The following NEBL variants were observed in gnomAD, a reference collection of about 807,000 sequenced individuals.
NEBL encodes nebulette.
In NEBL, 122 loss-of-function variants were observed where a neutral mutation model predicts 140.2. The ratio of observed to expected loss-of-function variants is 0.87; its 90% CI spans 0.75 to 1.01. The LOEUF is 1.01. NEBL is among the 50% of genes least tolerant of loss of function. NEBL has a pLI of 0.00. For missense variants in NEBL, 1,365 were observed against 1,231.3 expected (o/e 1.11, Z -1.62); for synonymous variants, 436 against 398.9 (o/e 1.09, Z -1.11).
intron 4 of NEBL, among the ~76,000 whole-genome samples, chr10:20,887,514 G>C (rs1846638062): frequency 6.8e-6 from 1 of 146,930 alleles, no homozygotes; most frequent in South Asian, 2.1e-4. Context: ...AACTTCCCAG[G>C]CTCAAGCAAT....
At chr10:21,257,510 A>G (rs923044852) in intron 1 of NEBL, among the ~76,000 whole-genome samples, 1 of 152,182 alleles carries the variant, frequency 6.6e-6, no homozygotes, top group African/African-American at 2.4e-5. Context: ...CCTCACCTCC[A>G]TTGCTGTAGG....
At position 21,089,051 on chromosome 10, in the gene NEBL, G is replaced by T. The variant is rs369168091; in HGVS notation, c.165-68850C>A. Among the ~76,000 whole-genome samples, 283 of 152,238 alleles carry T rather than the reference G, an allele frequency of 1.9e-3. 1 individual carries two copies. Among genetic ancestry groups the T allele is most frequent in the African/African-American group, 6.5e-3 (269 of 41,574 alleles). The stretch of plus-strand genomic sequence containing the variant: ...TGAGGAGAGATGGTGCAGTGACAGA[G>T]GAGACAGAAAAAGGGAGGCAGAACA... On this transcript the variant is annotated intron_variant, in intron 2 of 6. Coordinates refer to the NEBL transcript ENST00000417816.
intron 3 of NEBL, among the ~76,000 whole-genome samples, chr10:21,210,903 C>T (rs1841904914): frequency 1.3e-5 from 2 of 152,196 alleles, no homozygotes; most frequent in African/African-American, 4.8e-5. Flanking sequence ...TTTACATTTA[C>T]AGCTATCCTA....
intron 1 of NEBL, among the ~76,000 whole-genome samples, chr10:21,271,462 G>A (rs1186102360): frequency 2.0e-5 from 3 of 151,984 alleles, no homozygotes; most frequent in South Asian, 2.1e-4. Flanking sequence ...CATGTACAAC[G>A]TGGTAGCTAT....
At chr10:20,992,469 G>T (rs539004462) in intron 3 of NEBL, among the ~76,000 whole-genome samples, 2 of 152,262 alleles carry the variant, frequency 1.3e-5, no homozygotes, top group Non-Finnish European at 2.9e-5. Context: ...TTTGAGTGAC[G>T]ACAGAGGCTC....
At chr10:20,869,533 C>A (rs1588885693) in intron 6 of NEBL, among the ~76,000 whole-genome samples, 1 of 152,074 alleles carries the variant, frequency 6.6e-6, no homozygotes, top group South Asian at 2.1e-4. Flanking sequence ...TGACACTAAC[C>A]ACAGCCAATT....
chr10:20,967,459 C>T (rs1447796070), intron 3 of NEBL, among the ~76,000 whole-genome samples: 3 of 152,182 alleles, frequency 2.0e-5, no homozygotes, highest in Non-Finnish European at 1.5e-5. Context: ...CAAACCCTAG[C>T]TGTACTCAAA....
intron 12 of NEBL, among the ~76,000 whole-genome samples, chr10:20,843,902 G>C (rs74120698): frequency 2.0e-5 from 3 of 151,920 alleles, no homozygotes; most frequent in African/African-American, 7.3e-5. Context: ...TTCACCTTAC[G>C]GTGCTGCAGA....
intron 2 of NEBL, among the ~76,000 whole-genome samples, chr10:21,044,737 G>A (rs371598499): frequency 2.0e-4 from 31 of 152,200 alleles, no homozygotes; most frequent in Non-Finnish European, 3.4e-4. Context: ...CCCCTGCTCC[G>A]TAAGCTCTTC....
At chr10:21,107,089 C>T (rs565298323) in intron 2 of NEBL, among the ~76,000 whole-genome samples, 7 of 152,222 alleles carry the variant, frequency 4.6e-5, no homozygotes, top group South Asian at 2.1e-4. Flanking sequence ...TGGGCTGAGA[C>T]GATGGGTTTT....
Position 20,845,329 on chromosome 10 carries a change from T to A in NEBL, c.1156A>T (p.Arg386Trp). ...KEDFEKEIKGRSSLDLDKTPE... is the reference protein window; with the variant it reads ...KEDFEKEIKGWSSLDLDKTPE... ...GTCTTGTCTAAATCCAGTGATGACC[T>A]TCCTTTAATCTCCTTCTCAAAATCC... Residue 386 changes from arginine (R) to tryptophan (W), a missense_variant, in exon 12 of 28, where the codon AGG becomes TGG. Arg to Trp is a moderately radical substitution (Grantham distance 101). Coordinates refer to ENST00000377122, the MANE Select transcript of NEBL (RefSeq NM_006393.3). The A allele has an allele frequency of 6.2e-7, 1 of 1,605,410 alleles. No individual in the cohort carries two copies. The highest frequency in any genetic ancestry group is 8.5e-7 in the Non-Finnish European group (1 of 1,172,510).
At position 21,197,671 on chromosome 10, in the gene NEBL, A is replaced by T. The variant is rs565154502; in HGVS notation, n.349-25194T>A. 3.9e-5 allele frequency among the ~76,000 whole-genome samples: 6 copies of T among 152,304 alleles called. No individual in the cohort carries two copies. The South Asian group carries it at 1.2e-3, about 32-fold the overall frequency. ...ATAACTCTTTGGGGACCATTCTCCT[A>T]GAAACACATAGACCCTAGATTATGG... On this transcript the variant is annotated intron_variant and non_coding_transcript_variant, in intron 3 of 8. Transcript: ENST00000675702.
intron 2 of NEBL, among the ~76,000 whole-genome samples, chr10:21,167,695 T>C (rs1840841438): frequency 6.6e-6 from 1 of 152,270 alleles, no homozygotes; most frequent in Non-Finnish European, 1.5e-5. Context: ...TCTTAGGGTT[T>C]ATACTCATTG....
chr10:21,106,681 T>C (rs1057152902), intron 2 of NEBL, among the ~76,000 whole-genome samples: 2 of 152,164 alleles, frequency 1.3e-5, no homozygotes, highest in Non-Finnish European at 2.9e-5. Context: ...TCTTTTTTGG[T>C]TCCATATGAA....
intron 26 of NEBL, among the ~76,000 whole-genome samples, chr10:20,790,579 C>T (rs554009546): frequency 5.4e-5 from 8 of 147,534 alleles, no homozygotes; most frequent in South Asian, 2.1e-4. Flanking sequence ...CCAGCCTGGG[C>T]GACAGAGTGA....
intron 3 of NEBL, among the ~76,000 whole-genome samples, chr10:21,227,668 C>CTTT (rs1485158295): frequency 1.2e-5 from 1 of 85,390 alleles, no homozygotes; most frequent in Non-Finnish European, 2.3e-5. Flanking sequence ...TCTTCTTCTT[C>CTTT]TTCTTCTTCT....
At chr10:21,262,259 G>A (rs1020085307) in intron 1 of NEBL, among the ~76,000 whole-genome samples, 1 of 152,144 alleles carries the variant, frequency 6.6e-6, no homozygotes, top group Admixed American at 6.5e-5. Flanking sequence ...GAGGAGGATC[G>A]CTGTGTCTCT....
chr10:21,184,449 C>A (rs995329603), intron 3 of NEBL, among the ~76,000 whole-genome samples: 1 of 152,100 alleles, frequency 6.6e-6, no homozygotes, highest in Non-Finnish European at 1.5e-5. Context: ...CAAAAGTGCA[C>A]GGTACACAAT....
At position 20,826,623 on chromosome 10, in the gene NEBL, G is replaced by T. The variant is rs74326867; in HGVS notation, c.1777-84C>A. ...CGCTTCTTAGAAAGACAATTTCTCA[G>T]GTTTTATAATAATATGAATACTGCA... is the stretch of plus-strand genomic sequence containing the variant. On this transcript the variant is annotated intron_variant, in intron 17 of 27. Transcript: ENST00000377122. The T allele has an allele frequency of 1.6e-4, 166 of 1,032,784 alleles. No individual in the cohort carries two copies. The African/African-American group carries it at 2.3e-3, about 15-fold the overall frequency. The allele number at this position is 1,032,784 out of a possible 1,614,324, so 64.0% of individuals were successfully genotyped here.
Sources: gnomAD v4.1 joint callset for allele counts (sites outside exome capture counted in the v4.1 genomes callset) on GRCh38, gnomAD v4.1.1 for gene constraint, MANE v1.5 for transcripts, NCBI Gene and HGNC (gene_info 2026-07-23, HGNC 2026-07-21) for gene names.